VPS50: variants seen among roughly 807,000 people sequenced by gnomAD.
VPS50 encodes the protein syndetin.
Under a neutral mutation model 139.7 loss-of-function variants are expected in VPS50, and 70 were observed. The ratio of observed to expected loss-of-function variants is 0.50; its 90% CI spans 0.41 to 0.61. VPS50 has a LOEUF of 0.61. Ranked by LOEUF, VPS50 falls within the 20% of genes least tolerant of loss-of-function variation. VPS50 has a pLI of 0.00. For synonymous variants in VPS50, 365 were observed against 376.7 expected, an observed-to-expected ratio of 0.97 and a Z score of 0.36; for missense variants, 921 against 1,133.7, an observed-to-expected ratio of 0.81 and a Z score of 2.69.
intron 12 of VPS50, among the ~76,000 whole-genome samples, chr7:93,289,228 A>G (rs1796579744): frequency 6.6e-6 from 1 of 152,150 alleles, no homozygotes; most frequent in Non-Finnish European, 1.5e-5. Context: ...GAGAATTTGC[A>G]TCTTATTGTA....
At chr7:93,246,297 T>A (rs991478225) in intron 2 of VPS50, among the ~76,000 whole-genome samples, 2 of 151,706 alleles carry the variant, frequency 1.3e-5, no homozygotes, top group Non-Finnish European at 3.0e-5. Flanking sequence ...CACACACACA[T>A]ACACTGCATT....
At chr7:93,342,710 C>G (rs933506948) in intron 23 of VPS50, among the ~76,000 whole-genome samples, 12 of 152,334 alleles carry the variant, frequency 7.9e-5, no homozygotes, top group Middle Eastern at 3.4e-3. Context: ...AGGCACCCCC[C>G]AGCAGGGGCA....
At chr7:93,331,345 A>C (rs184620591) in intron 21 of VPS50, among the ~76,000 whole-genome samples, 16 of 152,038 alleles carry the variant, frequency 1.1e-4, no homozygotes, top group Admixed American at 2.6e-4. Context: ...GGATTTTTAT[A>C]CCTGATTTCA....
rs199933408 is a variant in VPS50, at chr7:93,354,299, CT to C, written c.2585+552del. 2.1e-3 allele frequency among the ~76,000 whole-genome samples: 303 copies of C among 141,120 alleles called. 2 individuals carry two copies. Among genetic ancestry groups the C allele is most frequent in the African/African-American group, 3.6e-3 (136 of 37,580 alleles). 92.6% of individuals were successfully genotyped at this position (141,120 alleles called of 152,430 possible). ...TTTCTTTTTTTCTTTTCTTTTCTTT[CT>C]TTTTTTTTTTTTTGAGACAGTCTTG... On this transcript the variant is annotated intron_variant, in intron 26 of 27. Coordinates refer to ENST00000305866, the MANE Select transcript of VPS50 (RefSeq NM_017667.4).
intron 21 of VPS50, among the ~76,000 whole-genome samples, chr7:93,327,787 A>AATT (rs1472640277): frequency 2.6e-5 from 4 of 152,120 alleles, no homozygotes; most frequent in African/African-American, 9.7e-5. Context: ...AAATACTCCA[A>AATT]ATTTACCCCA....
At chr7:93,259,492 C>A in intron 8 of VPS50, 58 bp from the exon 9 acceptor site, 2 of 856,108 alleles carry the variant, frequency 2.3e-6, no homozygotes, top group Non-Finnish European at 3.8e-6. Flanking sequence ...TTTTTTTTAT[C>A]AGGGGCTTTA....
intron 3 of VPS50, 130 bp from the exon 4 acceptor site, chr7:93,253,730 T>C (rs1194949293): frequency 1.9e-6 from 1 of 536,532 alleles, no homozygotes; most frequent in African/African-American, 1.9e-5. Flanking sequence ...ACAGGTGGCA[T>C]GGAGGGCAGT....
chr7:93,251,160 C>T (rs527742288), intron 2 of VPS50, among the ~76,000 whole-genome samples: 10 of 152,232 alleles, frequency 6.6e-5, no homozygotes, highest in Admixed American at 3.3e-4. Context: ...ACCATTTGAC[C>T]GAGCAGTCTC....
At position 93,297,605 on chromosome 7, in the gene VPS50, G is replaced by A. The variant is rs186266843; in HGVS notation, c.1361+362G>A. 1.2e-4 allele frequency among the ~76,000 whole-genome samples: 18 copies of A among 152,282 alleles called. No individual in the cohort carries two copies. In the East Asian group the frequency reaches 2.9e-3, roughly 24 times the overall value. On this transcript the variant is annotated intron_variant, in intron 16 of 27. Coordinates refer to ENST00000305866, the MANE Select transcript of VPS50 (RefSeq NM_017667.4). ...GTTAAATCAGTAGAGGCAGTGCTCA[G>A]TGAGGGGGTGCTTGAGAGTATCTAT...
chr7:93,326,519 T>C (rs1797785373), intron 21 of VPS50, among the ~76,000 whole-genome samples: 1 of 149,086 alleles, frequency 6.7e-6, no homozygotes, highest in South Asian at 2.1e-4. Flanking sequence ...TAAAAAATAA[T>C]GAAAAATATT....
chr7:93,302,349 C>CT (rs913194904), intron 16 of VPS50, among the ~76,000 whole-genome samples: 147 of 140,800 alleles, frequency 1.0e-3, no homozygotes, highest in African/African-American at 2.1e-3. Context: ...CTGTTTCTTC[C>CT]TTTTTTTTTT....
intron 13 of VPS50, among the ~76,000 whole-genome samples, chr7:93,292,053 T>C (rs1796662879): frequency 6.6e-6 from 1 of 152,108 alleles, no homozygotes; most frequent in Admixed American, 6.6e-5. Context: ...TGGCACATAG[T>C]ACTAGTTTCC....
chr7:93,256,506 T>C lies in VPS50; in HGVS notation c.298-3T>C, dbSNP rs186893448. On this transcript the variant is annotated splice_region_variant and splice_polypyrimidine_tract_variant and intron_variant, in intron 4 of 27. Coordinates refer to ENST00000305866, the MANE Select transcript of VPS50 (RefSeq NM_017667.4). ...TCCTTTGTTTGATTACATCTTCTTATAGGTATCTAAAAAAGTGGCAGATTT... is the reference window on the plus strand; with the variant it reads ...TCCTTTGTTTGATTACATCTTCTTACAGGTATCTAAAAAAGTGGCAGATTT... The C allele has an allele frequency of 1.5e-4, 197 of 1,345,986 alleles. No homozygotes were observed. The Admixed American group carries it at 2.5e-3, about 17-fold the overall frequency. 83.4% of individuals were successfully genotyped at this position (1,345,986 alleles called of 1,614,324 possible).
chr7:93,288,912 A>G (rs576113114), intron 12 of VPS50, among the ~76,000 whole-genome samples: 1 of 152,068 alleles, frequency 6.6e-6, no homozygotes, highest in East Asian at 1.9e-4. Context: ...TTAGTCTCCT[A>G]CCCTCTCACA....
At chr7:93,344,169 G>C (rs950395145) in intron 23 of VPS50, among the ~76,000 whole-genome samples, 3 of 151,972 alleles carry the variant, frequency 2.0e-5, no homozygotes, top group Admixed American at 6.6e-5. Context: ...AAAAAGGCAG[G>C]GGTTGCAATC....
intron 12 of VPS50, among the ~76,000 whole-genome samples, chr7:93,276,968 C>T (rs372950210): frequency 3.3e-5 from 5 of 152,222 alleles, no homozygotes; most frequent in Admixed American, 1.3e-4. Context: ...TTGCTGAGGA[C>T]GCAGTTGCAT....
intron 22 of VPS50, among the ~76,000 whole-genome samples, chr7:93,339,974 A>G (rs1798169698): frequency 6.6e-6 from 1 of 152,034 alleles, no homozygotes; most frequent in South Asian, 2.1e-4. Flanking sequence ...GTACTGTAAA[A>G]CTCTATAGTT....
chr7:93,335,508 A>G (rs1322583099), intron 22 of VPS50, among the ~76,000 whole-genome samples: 1 of 150,742 alleles, frequency 6.6e-6, no homozygotes, highest in Non-Finnish European at 1.5e-5. Flanking sequence ...TTTGGTTTTG[A>G]TATTTGTTTA....
At chr7:93,326,822 A>G (rs980323152) in intron 21 of VPS50, among the ~76,000 whole-genome samples, 6 of 152,150 alleles carry the variant, frequency 3.9e-5, no homozygotes, top group Admixed American at 6.5e-5. Flanking sequence ...GTATAACTAC[A>G]TTCATTATAT....
Sources: allele counts gnomAD v4.1 joint callset (sites outside exome capture counted in the v4.1 genomes callset), GRCh38; gene constraint gnomAD v4.1.1; transcripts MANE v1.5; gene names NCBI Gene and HGNC (gene_info 2026-07-23, HGNC 2026-07-21).